ARHGAP24: variants seen among roughly 807,000 people sequenced by gnomAD.
ARHGAP24 encodes the protein Rho GTPase activating protein 24, also known as rho GTPase-activating protein 24.
Under a neutral mutation model 76.4 loss-of-function variants are expected in ARHGAP24, and 50 were observed. The observed-to-expected ratio is 0.65, with a 90% CI of 0.52 to 0.83. The LOEUF is 0.83. Ranked by LOEUF, ARHGAP24 falls within the 40% of genes least tolerant of loss-of-function variation. ARHGAP24 has a pLI of 0.00. For missense variants in ARHGAP24, 930 were observed against 914.2 expected, an observed-to-expected ratio of 1.02 and a Z score of -0.22; for synonymous variants, 345 against 323.3, an observed-to-expected ratio of 1.07 and a Z score of -0.72.
At chr4:85,502,358 T>C (rs1362870093) in intron 1 of ARHGAP24, among the ~76,000 whole-genome samples, 1 of 152,234 alleles carries the variant, frequency 6.6e-6, no homozygotes. Flanking sequence ...TCCATGAGCA[T>C]GGAATGTTCT....
chr4:86,000,822 G>C lies in ARHGAP24; in HGVS notation c.*100G>C. The C allele has an allele frequency of 6.5e-7, 1 of 1,540,324 alleles. No individual in the cohort carries two copies. Among genetic ancestry groups the C allele is most frequent in the Non-Finnish European group, 8.9e-7 (1 of 1,123,592 alleles). The stretch of plus-strand genomic sequence containing the variant: ...AGGTGGCTGGTCACCTGGATGTACA[G>C]AAGTCTAACTGGTGAAGGAATATCA... On this transcript the variant is annotated 3_prime_UTR_variant, in exon 10 of 10. Transcript: ENST00000395184.
chr4:85,666,067 T>C (rs1482002260), intron 2 of ARHGAP24, among the ~76,000 whole-genome samples: 1 of 152,228 alleles, frequency 6.6e-6, no homozygotes, highest in Non-Finnish European at 1.5e-5. Context: ...TGGCCTGCCT[T>C]GCTAGATTGG....
intron 1 of ARHGAP24, among the ~76,000 whole-genome samples, chr4:85,555,965 G>A (rs1260701031): frequency 6.6e-6 from 1 of 152,176 alleles, no homozygotes; most frequent in Non-Finnish European, 1.5e-5. Flanking sequence ...TCCTTTTCCA[G>A]TCTGAGGGCA....
intron 2 of ARHGAP24, among the ~76,000 whole-genome samples, chr4:85,720,454 T>A (rs1724889371): frequency 6.6e-6 from 1 of 152,166 alleles, no homozygotes; most frequent in Non-Finnish European, 1.5e-5. Context: ...TGACAGTCAC[T>A]GAGCTGGGGA....
chr4:85,922,515 C>G (rs901132982), intron 3 of ARHGAP24, among the ~76,000 whole-genome samples: 2 of 152,156 alleles, frequency 1.3e-5, no homozygotes, highest in East Asian at 1.9e-4. Flanking sequence ...ATCAAGTATA[C>G]AACACTGCAT....
intron 3 of ARHGAP24, among the ~76,000 whole-genome samples, chr4:85,829,058 T>G (rs1360369708): frequency 6.6e-6 from 1 of 152,066 alleles, no homozygotes; most frequent in African/African-American, 2.4e-5. Context: ...GAAAGAACAA[T>G]AGCATACTTA....
intron 3 of ARHGAP24, among the ~76,000 whole-genome samples, chr4:85,753,520 C>G (rs936654495): frequency 1.3e-5 from 2 of 152,196 alleles, no homozygotes; most frequent in Admixed American, 1.3e-4. Context: ...ATCATCCCAG[C>G]CTTTGAACTG....
At chr4:85,868,155 G>T (rs1901676) in intron 3 of ARHGAP24, among the ~76,000 whole-genome samples, 144,864 of 152,080 alleles carry the variant, frequency 0.95, 69,453 homozygotes, top group East Asian at 1. Context: ...GGAAGCAGGA[G>T]TTTCCAGATC....
At chr4:85,512,162 G>A (rs1724312172) in intron 1 of ARHGAP24, among the ~76,000 whole-genome samples, 1 of 152,198 alleles carries the variant, frequency 6.6e-6, no homozygotes, top group Non-Finnish European at 1.5e-5. Context: ...CCCATTCTGA[G>A]TTCAAGTCTC....
rs1446884406 is a variant in ARHGAP24 at position 85,857,563 on chromosome 4, A to G, written c.269-66085A>G. Among the ~76,000 whole-genome samples the G allele has an allele frequency of 3.9e-5, 6 of 152,280 alleles. No individual in the cohort carries two copies. The East Asian group carries it at 1.2e-3, about 29-fold the overall frequency. On this transcript the variant is annotated intron_variant, in intron 3 of 9. Coordinates refer to ENST00000395184, the MANE Select transcript of ARHGAP24 (RefSeq NM_001025616.3). ...TCATAATGCTTTTATTTTCATTTGG[A>G]AATTATCTTTATGCAGTTTTGGTGG...
intron 3 of ARHGAP24, among the ~76,000 whole-genome samples, chr4:85,752,060 T>A (rs1233277725): frequency 6.6e-6 from 1 of 152,126 alleles, no homozygotes; most frequent in Non-Finnish European, 1.5e-5. Flanking sequence ...AGTGTGCCAC[T>A]CCTCGCCACA....
intron 3 of ARHGAP24, among the ~76,000 whole-genome samples, chr4:85,753,237 G>T (rs1277109533): frequency 6.6e-6 from 1 of 152,138 alleles, no homozygotes; most frequent in African/African-American, 2.4e-5. Context: ...CTAATGGTAG[G>T]AACTTTGTAA....
intron 3 of ARHGAP24, among the ~76,000 whole-genome samples, chr4:85,734,636 A>AT (rs34647342): frequency 0.15 from 14,840 of 101,596 alleles, 1,676 homozygotes; most frequent in East Asian, 0.6. Flanking sequence ...AATTCAGGGA[A>AT]TTTTTTTTTT....
chr4:85,546,495 G>A (rs1725927103), intron 1 of ARHGAP24, among the ~76,000 whole-genome samples: 1 of 152,148 alleles, frequency 6.6e-6, no homozygotes, highest in African/African-American at 2.4e-5. Context: ...GCACAATTCT[G>A]TTAAAAGATC....
intron 1 of ARHGAP24, among the ~76,000 whole-genome samples, chr4:85,502,612 A>AT (rs1354960453): frequency 6.6e-6 from 1 of 152,094 alleles, no homozygotes; most frequent in African/African-American, 2.4e-5. Flanking sequence ...GCTTAAGGAG[A>AT]TTTTGGGCTC....
chr4:85,860,393 C>A (rs1408859063), intron 3 of ARHGAP24, among the ~76,000 whole-genome samples: 1 of 152,082 alleles, frequency 6.6e-6, no homozygotes, highest in Non-Finnish European at 1.5e-5. Flanking sequence ...ATGCTAAATA[C>A]ACATCATATT....
At chr4:85,796,060 C>T (rs567286303) in intron 3 of ARHGAP24, among the ~76,000 whole-genome samples, 1 of 152,178 alleles carries the variant, frequency 6.6e-6, no homozygotes, top group East Asian at 1.9e-4. Flanking sequence ...GAAACATGTC[C>T]CTCATAATAT....
intron 2 of ARHGAP24, among the ~76,000 whole-genome samples, chr4:85,696,398 A>G (rs1723866821): frequency 6.6e-6 from 1 of 152,076 alleles, no homozygotes; most frequent in Non-Finnish European, 1.5e-5. Flanking sequence ...AACTTGAATA[A>G]TGGGAAGAAA....
At chr4:85,535,290 G>C (rs1378161173) in intron 1 of ARHGAP24, among the ~76,000 whole-genome samples, 1 of 152,136 alleles carries the variant, frequency 6.6e-6, no homozygotes, top group Non-Finnish European at 1.5e-5. Context: ...ACTATTTCAA[G>C]CTAGACACAA....
Sources: gnomAD v4.1 joint callset for allele counts (sites outside exome capture counted in the v4.1 genomes callset) on GRCh38, gnomAD v4.1.1 for gene constraint, MANE v1.5 for transcripts, NCBI Gene and HGNC (gene_info 2026-07-23, HGNC 2026-07-21) for gene names.